Variants in TRAK1 observed in about 807,000 individuals in gnomAD.
TRAK1 encodes the protein trafficking kinesin-binding protein 1.
TRAK1 carries 33 observed loss-of-function variants against 92.1 expected under a neutral mutation model. That is an observed-to-expected ratio of 0.36 (90% CI 0.27 to 0.48). The LOEUF is 0.48. Ranked by LOEUF, TRAK1 falls within the 20% of genes least tolerant of loss-of-function variation. TRAK1 has a pLI of 0.99. For synonymous variants in TRAK1, 521 were observed against 517.3 expected (o/e 1.01, Z -0.10); for missense variants, 1,123 against 1,257.9 (o/e 0.89, Z 1.62).
At chr3:42,129,577 G>A (rs1335643818) in intron 2 of TRAK1, among the ~76,000 whole-genome samples, 1 of 152,122 alleles carries the variant, frequency 6.6e-6, no homozygotes, top group Non-Finnish European at 1.5e-5. Flanking sequence ...CCAGTCAGGT[G>A]GACTTGTAAC....
At chr3:42,173,879 A>C (rs1377630394) in intron 2 of TRAK1, among the ~76,000 whole-genome samples, 2 of 152,040 alleles carry the variant, frequency 1.3e-5, no homozygotes, top group Non-Finnish European at 2.9e-5. Context: ...GTTAGCTGCT[A>C]CCTCTACCGA....
intron 1 of TRAK1, among the ~76,000 whole-genome samples, chr3:42,027,775 A>G (rs1007482989): frequency 2.6e-5 from 4 of 152,184 alleles, no homozygotes; most frequent in Non-Finnish European, 5.9e-5. Flanking sequence ...ACCAGGAACA[A>G]CCATTTTTCA....
chr3:42,159,001 A>AATAATTATT (rs1347293655), intron 2 of TRAK1, among the ~76,000 whole-genome samples: 9 of 141,542 alleles, frequency 6.4e-5, no homozygotes, highest in African/African-American at 2.3e-4. Context: ...TAATAATAAT[A>AATAATTATT]ATTAGAGGAT....
intron 1 of TRAK1, among the ~76,000 whole-genome samples, chr3:42,107,103 G>C (rs1365207375): frequency 1.3e-5 from 2 of 152,324 alleles, no homozygotes; most frequent in African/African-American, 2.4e-5. Flanking sequence ...GTCAGGACAG[G>C]GGGAGGGATG....
rs1035819998 is a variant in TRAK1 at position 42,176,996 on chromosome 3, A to G, written c.363+106A>G. 6.5e-6 allele frequency: 7 copies of G among 1,076,526 alleles called. No individual in the cohort carries two copies. In the African/African-American group the frequency reaches 1.1e-4, roughly 17 times the overall value. 66.7% of individuals were successfully genotyped at this position (1,076,526 alleles called of 1,614,324 possible). Reference sequence around the variant, plus strand: ...CCTGTTTCAGTGAGGAATCTTGGAAATTGGTCTCTTTCGAGGTATAATTTA... The same window carrying G: ...CCTGTTTCAGTGAGGAATCTTGGAAGTTGGTCTCTTTCGAGGTATAATTTA... On this transcript the variant is annotated intron_variant, in intron 3 of 15. Coordinates refer to ENST00000327628, the MANE Select transcript of TRAK1 (RefSeq NM_001042646.3).
chr3:42,060,005 C>T (rs1703359765), intron 1 of TRAK1, among the ~76,000 whole-genome samples: 1 of 152,202 alleles, frequency 6.6e-6, no homozygotes, highest in African/African-American at 2.4e-5. Context: ...TCACTTCTTT[C>T]TTTCCCCCTG....
intron 1 of TRAK1, among the ~76,000 whole-genome samples, chr3:42,100,833 A>G (rs1706647086): frequency 6.6e-6 from 1 of 151,974 alleles, no homozygotes; most frequent in Non-Finnish European, 1.5e-5. Context: ...CACCTGGCTA[A>G]TTTTTTTGTA....
At position 42,091,665 on chromosome 3, in the gene TRAK1, T is replaced by C. The variant is rs190155156; in HGVS notation, c.91+105T>C. 7.3e-6 allele frequency: 8 copies of C among 1,091,960 alleles called. No individual in the cohort carries two copies. In the Admixed American group the frequency reaches 2.3e-4, roughly 31 times the overall value. 67.6% of individuals were successfully genotyped at this position (1,091,960 alleles called of 1,614,324 possible). On this transcript the variant is annotated intron_variant, in intron 1 of 15. Transcript: ENST00000327628. ...CTGTCTCTCTCTTGCTCCGTGCTGC[T>C]TGGGAGGTTGTTCATGGTCATGTGG...
intron 1 of TRAK1, among the ~76,000 whole-genome samples, chr3:42,035,235 C>T (rs1702284601): frequency 6.6e-6 from 1 of 152,154 alleles, no homozygotes; most frequent in Non-Finnish European, 1.5e-5. Context: ...GGAAGCTACA[C>T]CCTCTTGGTT....
intron 2 of TRAK1, among the ~76,000 whole-genome samples, chr3:42,153,763 G>A (rs191274008): frequency 1.0e-3 from 152 of 152,220 alleles, no homozygotes; most frequent in African/African-American, 3.2e-3. Context: ...CTTTTTGTGC[G>A]TGAGTGAAGT....
chr3:42,160,208 C>A (rs752622155), intron 2 of TRAK1: 8 of 1,454,306 alleles, frequency 5.5e-6, no homozygotes, highest in Non-Finnish European at 7.3e-6. Flanking sequence ...CACCCCTCCA[C>A]TTCAGCTGAG....
At chr3:42,212,046 A>G (rs1709105922) in intron 14 of TRAK1, 2 of 985,370 alleles carry the variant, frequency 2.0e-6, no homozygotes, top group Admixed American at 6.1e-5. Flanking sequence ...GGGGAGAACA[A>G]TGAATTGGCT....
chr3:42,014,400 A>C (rs983739273), intron 1 of TRAK1, among the ~76,000 whole-genome samples: 9 of 152,164 alleles, frequency 5.9e-5, no homozygotes, highest in Non-Finnish European at 1.2e-4. Context: ...AAGAGCCTGG[A>C]GCTGAGCGCG....
At chr3:42,173,368 C>T (rs1431939334) in intron 2 of TRAK1, among the ~76,000 whole-genome samples, 1 of 152,128 alleles carries the variant, frequency 6.6e-6, no homozygotes, top group African/African-American at 2.4e-5. Context: ...AAAAGCATAA[C>T]CTGTGTTTAT....
chr3:42,108,037 T>C (rs1707834110), intron 1 of TRAK1, among the ~76,000 whole-genome samples: 16 of 151,988 alleles, frequency 1.1e-4, no homozygotes, highest in Admixed American at 1.1e-3. Context: ...ACACCAGTGC[T>C]TTTATCTCAT....
intron 4 of TRAK1, among the ~76,000 whole-genome samples, chr3:42,187,507 G>A (rs1576881024): frequency 6.6e-6 from 1 of 151,770 alleles, no homozygotes; most frequent in Non-Finnish European, 1.5e-5. Flanking sequence ...TTGCTCTGTT[G>A]CCCAGGCTGG....
chr3:42,084,548 A>AGAAGCCCCCTT (rs1303454934), upstream of TRAK1, among the ~76,000 whole-genome samples: 4 of 152,352 alleles, frequency 2.6e-5, no homozygotes, highest in South Asian at 8.3e-4. Flanking sequence ...CCCAGCATGG[A>AGAAGCCCCCTT]GAAGCCCCCT....
intron 1 of TRAK1, among the ~76,000 whole-genome samples, chr3:42,020,976 GA>G (rs1701701186): frequency 6.6e-6 from 1 of 152,158 alleles, no homozygotes. Flanking sequence ...AACCTGGGAA[GA>G]AAATTGGAGG....
chr3:42,189,919 G>C (rs1449968497), intron 6 of TRAK1, among the ~76,000 whole-genome samples: 1 of 152,192 alleles, frequency 6.6e-6, no homozygotes, highest in Non-Finnish European at 1.5e-5. Context: ...TTATTGGCAA[G>C]GCAGTGTGCC....
Sources: allele counts gnomAD v4.1 joint callset (sites outside exome capture counted in the v4.1 genomes callset), GRCh38; gene constraint gnomAD v4.1.1; transcripts MANE v1.5; gene names NCBI Gene and HGNC (gene_info 2026-07-23, HGNC 2026-07-21).